The following ROR1 variants were observed in gnomAD, a reference collection of about 807,000 sequenced individuals.
The protein encoded by ROR1 is inactive tyrosine-protein kinase transmembrane receptor ROR1.
Under a neutral mutation model 78.8 loss-of-function variants are expected in ROR1, and 19 were observed. The observed-to-expected ratio is 0.24, with a 90% confidence interval of 0.17 to 0.35. ROR1 has a LOEUF of 0.35. Among genes scored for constraint, ROR1 ranks in the 10% least tolerant of loss-of-function variants. ROR1 has a pLI of 1.00. For missense variants in ROR1, 917 were observed against 1,177.8 expected, an observed-to-expected ratio of 0.78 and a Z score of 3.24; for synonymous variants, 386 against 433.6, an observed-to-expected ratio of 0.89 and a Z score of 1.36.
chr1:64,133,248 T>C (rs1648984804), intron 4 of ROR1, among the ~76,000 whole-genome samples: 2 of 152,106 alleles, frequency 1.3e-5, no homozygotes, highest in Non-Finnish European at 2.9e-5. Flanking sequence ...CATCCTGTGG[T>C]TTGAGACTAG....
chr1:64,048,738 A>G lies in ROR1; in HGVS notation c.164-953A>G, dbSNP rs112065606. On this transcript the variant is annotated intron_variant, in intron 2 of 8. Transcript: ENST00000371079. ...AAAACTTATTTTGTTATTAAAATTC[A>G]TAGTGCAATAAATCTTAAGAGGAGC... Among the ~76,000 whole-genome samples, 579 of 152,370 alleles carry G rather than the reference A, an allele frequency of 3.8e-3. 6 individuals are homozygous for G. The highest frequency in any genetic ancestry group is 0.013 in the African/African-American group (553 of 41,584).
At chr1:63,843,977 G>A (rs941429298) in intron 1 of ROR1, among the ~76,000 whole-genome samples, 4 of 152,124 alleles carry the variant, frequency 2.6e-5, no homozygotes, top group African/African-American at 9.7e-5. Flanking sequence ...AAAGGCCCAA[G>A]CTCCTTAGCA....
rs1646174916 is a variant in ROR1, at chr1:63,977,932, G to C, written c.92-31373G>C. Among the ~76,000 whole-genome samples, 3 of 152,128 alleles carry C rather than the reference G, an allele frequency of 2.0e-5. No homozygotes were observed. The South Asian group carries it at 6.2e-4, about 32-fold the overall frequency. On this transcript the variant is annotated intron_variant, in intron 1 of 8. Coordinates refer to ENST00000371079, the MANE Select transcript of ROR1 (RefSeq NM_005012.4). ...CTTAGATCTTTATAAGAGCACTTAA[G>C]TTCAACCTCCTAAGAAACTGCCAAT...
intron 1 of ROR1, among the ~76,000 whole-genome samples, chr1:63,827,610 T>C (rs2100294201): frequency 6.6e-6 from 1 of 152,322 alleles, no homozygotes. Context: ...ATTTGGATGA[T>C]TTAATCACCA....
At chr1:64,125,034 A>T (rs952926350) in intron 4 of ROR1, among the ~76,000 whole-genome samples, 2 of 152,182 alleles carry the variant, frequency 1.3e-5, no homozygotes, top group African/African-American at 4.8e-5. Context: ...AGTTACTAGG[A>T]GTCATTCTAA....
intron 8 of ROR1, among the ~76,000 whole-genome samples, chr1:64,174,141 G>A (rs1307894265): frequency 2.0e-5 from 3 of 152,200 alleles, no homozygotes; most frequent in Admixed American, 1.3e-4. Context: ...GATTTAAAGG[G>A]CACTTATTAG....
intron 1 of ROR1, among the ~76,000 whole-genome samples, chr1:63,896,841 A>G (rs1438899732): frequency 6.6e-6 from 1 of 152,176 alleles, no homozygotes; most frequent in Non-Finnish European, 1.5e-5. Flanking sequence ...GCCTTATTTC[A>G]GATGCAGAAT....
intron 4 of ROR1, among the ~76,000 whole-genome samples, chr1:64,118,714 A>G (rs1375842452): frequency 1.3e-5 from 2 of 151,968 alleles, no homozygotes; most frequent in South Asian, 2.1e-4. Flanking sequence ...ATCAAGGGGA[A>G]AATGAGGAGG....
chr1:63,937,811 G>A (rs1645805594), intron 1 of ROR1, among the ~76,000 whole-genome samples: 2 of 152,198 alleles, frequency 1.3e-5, no homozygotes, highest in Admixed American at 1.3e-4. Flanking sequence ...TTGCAAAGGA[G>A]GAAACTACTG....
chr1:63,826,810 A>G (rs1644956399), intron 1 of ROR1, among the ~76,000 whole-genome samples: 1 of 151,866 alleles, frequency 6.6e-6, no homozygotes, highest in Non-Finnish European at 1.5e-5. Context: ...CACCAGCATC[A>G]GTTATTTTTT....
At chr1:63,900,692 T>A (rs1367766464) in intron 1 of ROR1, among the ~76,000 whole-genome samples, 1 of 152,170 alleles carries the variant, frequency 6.6e-6, no homozygotes, top group South Asian at 2.1e-4. Flanking sequence ...TGCAATTCCA[T>A]GTCTAAAGGA....
intron 1 of ROR1, among the ~76,000 whole-genome samples, chr1:63,943,648 TG>T (rs1423844029): frequency 1.3e-5 from 2 of 152,214 alleles, no homozygotes; most frequent in Non-Finnish European, 2.9e-5. Context: ...TGTGGTTAAC[TG>T]CTCCCCGCCA....
chr1:63,991,238 C>T (rs1646293875), intron 1 of ROR1, among the ~76,000 whole-genome samples: 1 of 152,086 alleles, frequency 6.6e-6, no homozygotes, highest in Non-Finnish European at 1.5e-5. Flanking sequence ...GACTGAGCCA[C>T]CGTGCCCAGC....
intron 1 of ROR1, among the ~76,000 whole-genome samples, chr1:63,913,821 T>A (rs1645589316): frequency 6.6e-6 from 1 of 152,194 alleles, no homozygotes; most frequent in African/African-American, 2.4e-5. Context: ...CCAAGGTGAT[T>A]CGCACTGGAG....
chr1:64,120,596 C>G (rs1358600312), intron 4 of ROR1, among the ~76,000 whole-genome samples: 1 of 151,932 alleles, frequency 6.6e-6, no homozygotes, highest in African/African-American at 2.4e-5. Flanking sequence ...CATTCAAATG[C>G]TCAAAAGCAG....
intron 1 of ROR1, among the ~76,000 whole-genome samples, chr1:63,878,945 CATTA>C (rs1316481618): frequency 6.6e-6 from 1 of 152,050 alleles, no homozygotes; most frequent in African/African-American, 2.4e-5. Flanking sequence ...TGAATAATTT[CATTA>C]ATTAATTAAC....
chr1:64,007,629 A>G (rs1010453361), intron 1 of ROR1, among the ~76,000 whole-genome samples: 1 of 152,128 alleles, frequency 6.6e-6, no homozygotes, highest in Non-Finnish European at 1.5e-5. Flanking sequence ...TTGATTCATG[A>G]TGGCTTTGAA....
At chr1:64,014,721 A>ATATATATATATATG (rs200268487) in intron 2 of ROR1, among the ~76,000 whole-genome samples, 8 of 55,316 alleles carry the variant, frequency 1.4e-4, no homozygotes, top group South Asian at 9.2e-4. Flanking sequence ...GACTATATAT[A>ATATATATATATATG]TATATACACA....
chr1:63,811,800 C>T (rs929996795), intron 1 of ROR1, among the ~76,000 whole-genome samples: 3 of 151,988 alleles, frequency 2.0e-5, no homozygotes, highest in Non-Finnish European at 4.4e-5. Flanking sequence ...TTTGAGTTTT[C>T]CCTGTATACT....
Sources: allele counts gnomAD v4.1 joint callset (sites outside exome capture counted in the v4.1 genomes callset), GRCh38; gene constraint gnomAD v4.1.1; transcripts MANE v1.5; gene names NCBI Gene and HGNC (gene_info 2026-07-23, HGNC 2026-07-21).